Variants in FOXI2 observed in about 807,000 individuals in gnomAD.
FOXI2 encodes the protein forkhead box I2, also known as forkhead box protein I2.
In FOXI2, 17 loss-of-function variants were observed where a neutral mutation model predicts 14.3. That is an observed-to-expected ratio of 1.19 (90% CI 0.81 to 1.78). The LOEUF is 1.78. FOXI2 is among the 40% of genes most tolerant of loss of function. FOXI2 has a pLI of 0.00. For missense variants in FOXI2, 541 were observed against 460.0 expected (o/e 1.18, Z -1.61); for synonymous variants, 240 against 218.8 (o/e 1.10, Z -0.85).
Position 127,740,074 on chromosome 10 carries a change from A to C in FOXI2, c.*1109A>C, listed in dbSNP as rs1412162210. ...CACACTCACACCCACACTCATACTC[A>C]CACTCACACCCACACTCACACTCAC... On this transcript the variant is annotated 3_prime_UTR_variant, in exon 2 of 2. Coordinates refer to ENST00000388920, the MANE Select transcript of FOXI2 (RefSeq NM_207426.3). The C allele has an allele frequency of 8.4e-6, 1 of 118,486 alleles. No individual in the cohort carries two copies. The highest frequency in any genetic ancestry group is 1.7e-5 in the Non-Finnish European group (1 of 57,716). 7.3% of individuals were successfully genotyped at this position (118,486 alleles called of 1,614,324 possible). A position where few individuals can be genotyped will look rare whatever the true frequency, so the allele number is the denominator to read the frequency against.
chr10:127,741,082 C>G lies in FOXI2; in HGVS notation c.*2117C>G, dbSNP rs529936611. ...CCATAAGCAATACAATTAAAGAAGA[C>G]CAGGAAAGGAAAATAAATTCCTTAG... On this transcript the variant is annotated 3_prime_UTR_variant, in exon 2 of 2. Coordinates refer to ENST00000388920, the MANE Select transcript of FOXI2 (RefSeq NM_207426.3). 66 of 152,208 alleles carry G rather than the reference C, an allele frequency of 4.3e-4. No homozygotes were observed. The highest frequency in any genetic ancestry group is 1.6e-3 in the African/African-American group (66 of 41,542). The allele number at this position is 152,208 out of a possible 1,614,324, so 9.4% of individuals were successfully genotyped here. A position where few individuals can be genotyped will look rare whatever the true frequency, so the allele number is the denominator to read the frequency against.
rs1282434993 is a variant in FOXI2 at position 127,738,578 on chromosome 10, C to G, written c.570C>G (p.Asn190Lys). ...GCGAGAAGATGTTTGACAACGGGAA[C>G]TTCCGAAGGAAGAGGAAGAGGAGAG... The part of the protein sequence containing the change: ...PNCEKMFDNG[N>K]FRRKRKRRAE... Residue 190 changes from asparagine (N) to lysine (K), a missense_variant, in exon 2 of 2, where the codon AAC (asparagine) becomes AAG (lysine). Transcript: ENST00000388920. 3 of 1,612,932 alleles carry G rather than the reference C, an allele frequency of 1.9e-6. No individual in the cohort carries two copies. Among genetic ancestry groups the G allele is most frequent in the Non-Finnish European group, 2.5e-6 (3 of 1,179,414 alleles).
intron 1 of FOXI2, 71 bp downstream of exon 1, chr10:127,737,855 G>A (rs1450780208): frequency 2.6e-6 from 4 of 1,553,978 alleles, no homozygotes; most frequent in African/African-American, 2.7e-5. Context: ...GCACTCCGGG[G>A]GTGGGAGCAC....
chr10:127,737,468 C>A lies in FOXI2; in HGVS notation c.195C>A (p.Ala65=). 7.3e-7 allele frequency: 1 copy of A among 1,377,908 alleles called. No homozygotes were observed. Among genetic ancestry groups the A allele is most frequent in the South Asian group, 1.7e-5 (1 of 58,142 alleles). The allele number at this position is 1,377,908 out of a possible 1,614,324, so 85.4% of individuals were successfully genotyped here. A position where few individuals can be genotyped will look rare whatever the true frequency, so the allele number is the denominator to read the frequency against. Reference sequence around the variant, plus strand: ...CCGGGCCTGCGCCGCCCTACGCGGCCCCGAGCTACGGGGCTCCCGGCCCGC... The same window carrying A: ...CCGGGCCTGCGCCGCCCTACGCGGCACCGAGCTACGGGGCTCCCGGCCCGC... ...SGPGPAPPYA[A]PSYGAPGPLL... Residue 65 remains alanine (A), a synonymous_variant, in exon 1 of 2, where the codon GCC becomes GCA. Coordinates refer to ENST00000388920, the MANE Select transcript of FOXI2 (RefSeq NM_207426.3).
chr10:127,737,823 C>T (rs749251287), intron 1 of FOXI2, 39 bp downstream of exon 1: 3 of 1,582,484 alleles, frequency 1.9e-6, no homozygotes, highest in Non-Finnish European at 1.7e-6. Context: ...CCAGGACTCC[C>T]CATCTTCCCG....
rs1261867938 is a variant in FOXI2 at position 127,737,570 on chromosome 10, G to A, written c.297G>A (p.Arg99=). Residue 99 remains arginine, a synonymous_variant, in exon 1 of 2, where the codon AGG becomes AGA. Transcript: ENST00000388920. ...TCTCCGGCCAGCAGGAGCTGCTGAG[G>A]CTGGTGCGGCCGCCCTACTCCTACT... ...LSLSGQQELL[R]LVRPPYSYSA... is the part of the protein sequence containing the mutation. 2 of 1,547,680 alleles carry A rather than the reference G, an allele frequency of 1.3e-6. No homozygotes were observed. The highest frequency in any genetic ancestry group is 1.7e-6 in the Non-Finnish European group (2 of 1,145,814).
Position 127,737,453 on chromosome 10 carries a change from G to A in FOXI2, c.180G>A (p.Ala60=). The change falls in exon 1 of 2, where the codon GCG becomes GCA. Residue 60 remains alanine (A), a synonymous_variant. Transcript: ENST00000388920. ...CCTACGCTTCGGGTCCCGGGCCTGC[G>A]CCGCCCTACGCGGCCCCGAGCTACG... is the stretch of plus-strand genomic sequence containing the variant. The part of the protein sequence containing the change: ...PKSYASGPGP[A]PPYAAPSYGA... 3.7e-6 allele frequency: 5 copies of A among 1,363,166 alleles called. No individual in the cohort carries two copies. The highest frequency in any genetic ancestry group is 4.7e-6 in the Non-Finnish European group (5 of 1,068,660). 84.4% of individuals were successfully genotyped at this position (1,363,166 alleles called of 1,614,324 possible).
In FOXI2 at chr10:127,738,533, C is replaced by T; in HGVS notation, c.525C>T (p.Tyr175=). 6.2e-7 allele frequency: 1 copy of T among 1,611,960 alleles called. No homozygotes were observed. Among genetic ancestry groups the T allele is most frequent in the Non-Finnish European group, 8.5e-7 (1 of 1,178,942 alleles). ...RDEDDPGKGN[Y]WTLDPNCEKM... Reference sequence around the variant, plus strand: ...CTTCTTCTGCAGGTAAAGGCAATTACTGGACCCTGGACCCCAACTGCGAGA... The same window carrying T: ...CTTCTTCTGCAGGTAAAGGCAATTATTGGACCCTGGACCCCAACTGCGAGA... Residue 175 remains tyrosine, a synonymous_variant, in exon 2 of 2, where the codon TAC becomes TAT. Coordinates refer to ENST00000388920, the MANE Select transcript of FOXI2 (RefSeq NM_207426.3).
chr10:127,738,651 G>T lies in FOXI2; in HGVS notation c.643G>T (p.Ala215Ser). Residue 215 changes from alanine to serine, a missense_variant, in exon 2 of 2, where the codon GCC (alanine) becomes TCC (serine). By Grantham distance (99) the Ala-to-Ser change is moderately conservative. Transcript: ENST00000388920. ...CTCGGGAGCCAGGAGCGTGGGAGGG[G>T]CCGAGGCGCCAGCGCTGGAGCCCCC... Reference protein sequence around the residue: ...VRSGARSVGGAEAPALEPPSA... With the variant: ...VRSGARSVGGSEAPALEPPSA... 2 of 1,597,382 alleles carry T rather than the reference G, an allele frequency of 1.3e-6. No individual in the cohort carries two copies. Among genetic ancestry groups the T allele is most frequent in the Non-Finnish European group, 1.7e-6 (2 of 1,171,818 alleles).
intron 1 of FOXI2, among the ~76,000 whole-genome samples, chr10:127,738,258 C>G (rs1203464649): frequency 6.6e-6 from 1 of 152,082 alleles, no homozygotes; most frequent in African/African-American, 2.4e-5. Context: ...ATTAGCATCT[C>G]GCAGGCCTTC....
In FOXI2 at chr10:127,737,301, CCCT is replaced by C. The variant is rs1846427650; in HGVS notation, c.33_35del (p.Ser12del). 4 of 1,464,398 alleles carry C rather than the reference CCCT, an allele frequency of 2.7e-6. No individual in the cohort carries two copies. In the South Asian group the frequency reaches 5.3e-5, roughly 19 times the overall value. The allele number at this position is 1,464,398 out of a possible 1,614,324, so 90.7% of individuals were successfully genotyped here. ...GGCCACCTACTGCGACGACCTGGGC[CCCT>C]CCTCGGCCCCGCCCGGCCAGGCCCA... On this transcript the variant is annotated inframe_deletion, in exon 1 of 2. Coordinates refer to ENST00000388920, the MANE Select transcript of FOXI2 (RefSeq NM_207426.3).
intron 1 of FOXI2, 146 bp from the exon 2 acceptor site, chr10:127,738,374 G>GCCCA (rs989989196): frequency 3.3e-5 from 21 of 628,248 alleles, no homozygotes; most frequent in Admixed American, 1.5e-4. Context: ...GGTACAGAGT[G>GCCCA]CCCGTCAAGG....
At position 127,739,921 on chromosome 10, in the gene FOXI2, C is replaced by CA. The variant is rs1564749208; in HGVS notation, c.*956_*957insA. ...CACTCACACACACTCACACCCACAC[C>CA]CACACTCACACCCACACACACTCAC... On this transcript the variant is annotated 3_prime_UTR_variant, in exon 2 of 2. Coordinates refer to ENST00000388920, the MANE Select transcript of FOXI2 (RefSeq NM_207426.3). The CA allele has an allele frequency of 0.019, 115 of 6,002 alleles. 5 individuals are homozygous for CA. Among genetic ancestry groups the CA allele is most frequent in the South Asian group, 0.11 (7 of 66 alleles). 0.4% of individuals were successfully genotyped at this position (6,002 alleles called of 1,614,324 possible).
chr10:127,737,792 C>A lies in FOXI2; in HGVS notation c.511+8C>A. On this transcript the variant is annotated splice_region_variant and intron_variant, in intron 1 of 1. Transcript: ENST00000388920. Reference sequence around the variant, plus strand: ...GCGACGAGGACGACCCAGGTAACAGCGGCGCGCCGGCTCGCTCCGTCCAGG... The same window carrying A: ...GCGACGAGGACGACCCAGGTAACAGAGGCGCGCCGGCTCGCTCCGTCCAGG... 6.2e-7 allele frequency: 1 copy of A among 1,603,866 alleles called. No homozygotes were observed. Among genetic ancestry groups the A allele is most frequent in the Non-Finnish European group, 8.5e-7 (1 of 1,175,392 alleles).
rs199761490 is a variant in FOXI2, at chr10:127,738,728, G to GGCC, written c.724_726dup (p.Ala242dup). On this transcript the variant is annotated inframe_insertion, in exon 2 of 2. Transcript: ENST00000388920. ...CCTCGCCCTCTCCATCCGCACCCGA[G>GGCC]GCCGCCACCTGCTTCTCCGGTTTCG... 5,548 of 1,599,358 alleles carry GGCC rather than the reference G, an allele frequency of 3.5e-3. 110 individuals are homozygous for GGCC. In the Admixed American group the frequency reaches 0.041, roughly 12 times the overall value.
At position 127,739,676 on chromosome 10, in the gene FOXI2, C is replaced by A. The variant is rs568818109; in HGVS notation, c.*711C>A. On this transcript the variant is annotated 3_prime_UTR_variant, in exon 2 of 2. Transcript: ENST00000388920. Reference sequence around the variant, plus strand: ...TCAGCCCTGGTCCTTGATGACCCCCCTCTAGGACAAGGCAACTCCCCAGGG... The same window carrying A: ...TCAGCCCTGGTCCTTGATGACCCCCATCTAGGACAAGGCAACTCCCCAGGG... 4.1e-4 allele frequency: 62 copies of A among 152,424 alleles called. No homozygotes were observed. Among genetic ancestry groups the A allele is most frequent in the Non-Finnish European group, 7.6e-4 (52 of 68,170 alleles). The allele number at this position is 152,424 out of a possible 1,614,324, so 9.4% of individuals were successfully genotyped here. A position where few individuals can be genotyped will look rare whatever the true frequency, so the allele number is the denominator to read the frequency against.
At position 127,737,578 on chromosome 10, in the gene FOXI2, G is replaced by C. The variant is rs541064042; in HGVS notation, c.305G>C (p.Arg102Pro). 9 of 1,548,382 alleles carry C rather than the reference G, an allele frequency of 5.8e-6. No homozygotes were observed. In the African/African-American group the frequency reaches 1.2e-4, roughly 21 times the overall value. The change falls in exon 1 of 2, where the codon CGG becomes CCG. Residue 102 changes from arginine (R) to proline (P), a missense_variant. Coordinates refer to ENST00000388920, the MANE Select transcript of FOXI2 (RefSeq NM_207426.3). ...SGQQELLRLVRPPYSYSALIA... is the reference protein window; with the variant it reads ...SGQQELLRLVPPPYSYSALIA... The stretch of plus-strand genomic sequence containing the variant: ...CAGCAGGAGCTGCTGAGGCTGGTGC[G>C]GCCGCCCTACTCCTACTCGGCGCTC...
Position 127,738,731 on chromosome 10 carries a change from C to T in FOXI2, c.723C>T (p.Ala241=). The change falls in exon 2 of 2, where the codon GCC becomes GCT. Residue 241 remains alanine, a synonymous_variant. Transcript: ENST00000388920. The stretch of plus-strand genomic sequence containing the variant: ...CGCCCTCTCCATCCGCACCCGAGGC[C>T]GCCACCTGCTTCTCCGGTTTCGCTT... ...QASPSPSAPE[A]ATCFSGFASA... 6.3e-7 allele frequency: 1 copy of T among 1,599,614 alleles called. No homozygotes were observed. Among genetic ancestry groups the T allele is most frequent in the Non-Finnish European group, 8.5e-7 (1 of 1,173,662 alleles).
At position 127,739,828 on chromosome 10, in the gene FOXI2, C is replaced by T. The variant is rs1325828462; in HGVS notation, c.*863C>T. The T allele has an allele frequency of 2.5e-5, 3 of 118,818 alleles. No individual in the cohort carries two copies. Among genetic ancestry groups the T allele is most frequent in the Non-Finnish European group, 5.3e-5 (3 of 56,440 alleles). The allele number at this position is 118,818 out of a possible 1,614,324, so 7.4% of individuals were successfully genotyped here. Reference sequence around the variant, plus strand: ...CCACACTCACACCCACACCCACACCCACACCCACACTCACACTCACACTCA... The same window carrying T: ...CCACACTCACACCCACACCCACACCTACACCCACACTCACACTCACACTCA... On this transcript the variant is annotated 3_prime_UTR_variant, in exon 2 of 2. Coordinates refer to ENST00000388920, the MANE Select transcript of FOXI2 (RefSeq NM_207426.3).
Sources: allele counts gnomAD v4.1 joint callset (sites outside exome capture counted in the v4.1 genomes callset), GRCh38; gene constraint gnomAD v4.1.1; transcripts MANE v1.5; gene names NCBI Gene and HGNC (gene_info 2026-07-23, HGNC 2026-07-21).